Variants in ESRRG observed in about 807,000 individuals in gnomAD.
The protein encoded by ESRRG is estrogen related receptor gamma.
Under a neutral mutation model 44.0 loss-of-function variants are expected in ESRRG, and 13 were observed. The observed-to-expected ratio is 0.30, with a 90% CI of 0.19 to 0.47. The LOEUF is 0.47. Among genes scored for constraint, ESRRG ranks in the 20% least tolerant of loss-of-function variants. The probability of loss-of-function intolerance (pLI) is 1.00; values close to 1 mark genes in which losing one functional copy is unlikely to be tolerated. For missense variants in ESRRG, 395 were observed against 580.6 expected (o/e 0.68, Z 3.29); for synonymous variants, 215 against 214.6 (o/e 1.00, Z -0.02).
chr1:216,549,467 G>A (rs367675046), intron 5 of ESRRG, among the ~76,000 whole-genome samples: 3 of 152,062 alleles, frequency 2.0e-5, no homozygotes, highest in East Asian at 3.9e-4. Context: ...GAAATAAAGG[G>A]ACAAGTGTCA....
chr1:216,744,178 T>C (rs560634939), intron 2 of ESRRG, among the ~76,000 whole-genome samples: 135 of 152,314 alleles, frequency 8.9e-4, no homozygotes, highest in Middle Eastern at 3.4e-3. Context: ...AAATACATTG[T>C]CCGTTAGAGT....
At chr1:217,023,166 A>C (rs539058129) in intron 1 of ESRRG, among the ~76,000 whole-genome samples, 2 of 152,370 alleles carry the variant, frequency 1.3e-5, no homozygotes, top group East Asian at 3.9e-4. Flanking sequence ...AACTTAAACA[A>C]AAAACAATGT....
At chr1:217,083,177 A>G (rs1440201886) in intron 1 of ESRRG, among the ~76,000 whole-genome samples, 1 of 152,234 alleles carries the variant, frequency 6.6e-6, no homozygotes, top group African/African-American at 2.4e-5. Flanking sequence ...GTAGGAAACT[A>G]ATCAGAATTT....
chr1:216,548,126 G>A (rs2055129647), intron 5 of ESRRG, among the ~76,000 whole-genome samples: 2 of 152,020 alleles, frequency 1.3e-5, no homozygotes, highest in African/African-American at 4.8e-5. Flanking sequence ...AACTTTGAGT[G>A]GATATGGACA....
chr1:216,855,471 A>T (rs1334888039), intron 2 of ESRRG, among the ~76,000 whole-genome samples: 1 of 152,196 alleles, frequency 6.6e-6, no homozygotes, highest in African/African-American at 2.4e-5. Context: ...AGAAAAGTTC[A>T]ACTCTGACAG....
At chr1:217,093,580 T>C (rs931488014), upstream of ESRRG, among the ~76,000 whole-genome samples, 1 of 152,194 alleles carries the variant, frequency 6.6e-6, no homozygotes, top group South Asian at 2.1e-4. Flanking sequence ...CCCAGGATTT[T>C]GAGACCAGCC....
At chr1:216,665,934 T>A (rs1039498997) in intron 2 of ESRRG, among the ~76,000 whole-genome samples, 1 of 152,194 alleles carries the variant, frequency 6.6e-6, no homozygotes, top group Admixed American at 6.5e-5. Flanking sequence ...AGTTAATGTG[T>A]TTTATAACTT....
At chr1:217,057,622 A>T (rs954664717) in intron 1 of ESRRG, among the ~76,000 whole-genome samples, 2 of 152,142 alleles carry the variant, frequency 1.3e-5, no homozygotes, top group African/African-American at 4.8e-5. Flanking sequence ...AACTAGAAAA[A>T]AATAAACAGA....
intron 3 of ESRRG, among the ~76,000 whole-genome samples, chr1:216,629,502 T>C (rs1468534464): frequency 2.0e-5 from 3 of 152,202 alleles, no homozygotes; most frequent in Non-Finnish European, 4.4e-5. Context: ...ATTGGACTTA[T>C]TAACTCCAAT....
At chr1:216,731,280 G>C (rs143411505) in intron 2 of ESRRG, among the ~76,000 whole-genome samples, 103 of 152,320 alleles carry the variant, frequency 6.8e-4, no homozygotes, top group African/African-American at 2.3e-3. Context: ...TGGTCACAGA[G>C]TTCCTATTTC....
chr1:216,544,484 C>T (rs973838523), intron 5 of ESRRG, among the ~76,000 whole-genome samples: 3 of 151,916 alleles, frequency 2.0e-5, no homozygotes, highest in African/African-American at 7.3e-5. Flanking sequence ...CGGGGGATAC[C>T]CAAACCCACA....
At chr1:216,897,059 G>T (rs2058511778) in intron 2 of ESRRG, among the ~76,000 whole-genome samples, 1 of 152,190 alleles carries the variant, frequency 6.6e-6, no homozygotes, top group African/African-American at 2.4e-5. Flanking sequence ...GATGAAAAGA[G>T]ATGAGAAGAG....
chr1:217,119,290 G>C (rs1389614154), intron 1 of ESRRG, among the ~76,000 whole-genome samples: 3 of 152,254 alleles, frequency 2.0e-5, no homozygotes, highest in Admixed American at 6.5e-5. Flanking sequence ...GATAGAGGCT[G>C]TTTGTGTCGT....
intron 1 of ESRRG, among the ~76,000 whole-genome samples, chr1:217,073,243 T>C (rs2151463472): frequency 7.2e-6 from 1 of 138,040 alleles, no homozygotes; most frequent in East Asian, 2.0e-4. Flanking sequence ...TCATGAAGAA[T>C]GTATTGCTTT....
At chr1:217,090,024 T>C (rs997691982), upstream of ESRRG, among the ~76,000 whole-genome samples, 1 of 152,130 alleles carries the variant, frequency 6.6e-6, no homozygotes, top group African/African-American at 2.4e-5. Context: ...AAAATAAATA[T>C]CTATATTTTT....
At chr1:217,090,764 A>G (rs1006052796), upstream of ESRRG, among the ~76,000 whole-genome samples, 1 of 152,206 alleles carries the variant, frequency 6.6e-6, no homozygotes, top group African/African-American at 2.4e-5. Flanking sequence ...GAAGGGCAAG[A>G]AGGATAACTA....
chr1:217,056,046 G>C (rs971339082), intron 1 of ESRRG, among the ~76,000 whole-genome samples: 1 of 152,058 alleles, frequency 6.6e-6, no homozygotes, highest in Non-Finnish European at 1.5e-5. Context: ...CTGGCCAATG[G>C]AACATGGGTG....
chr1:217,080,337 G>T (rs374983273), intron 1 of ESRRG, among the ~76,000 whole-genome samples: 1 of 151,914 alleles, frequency 6.6e-6, no homozygotes, highest in African/African-American at 2.4e-5. Context: ...ACCCAAAATC[G>T]TCCTCACAGA....
chr1:217,097,572 G>T (rs75484482), intron 1 of ESRRG, among the ~76,000 whole-genome samples: 2,314 of 152,260 alleles, frequency 0.015, 60 homozygotes, highest in African/African-American at 0.052. Flanking sequence ...TCAAATTCCT[G>T]AGGAATTTTC....
Sources: allele counts gnomAD v4.1 joint callset (sites outside exome capture counted in the v4.1 genomes callset), GRCh38; gene constraint gnomAD v4.1.1; transcripts MANE v1.5; gene names NCBI Gene and HGNC (gene_info 2026-07-23, HGNC 2026-07-21).